Variants in GPHN observed in about 807,000 individuals in gnomAD.
GPHN encodes gephyrin.
A neutral mutation model predicts 95.5 loss-of-function variants in GPHN; 17 were observed. The observed-to-expected ratio is 0.18, with a 90% CI of 0.12 to 0.27. The LOEUF is 0.27. GPHN is among the 10% of genes least tolerant of loss of function. GPHN has a pLI of 1.00. For missense variants in GPHN, 660 were observed against 978.1 expected (o/e 0.67, Z 4.34); for synonymous variants, 320 against 322.5 (o/e 0.99, Z 0.08).
chr14:66,513,208 A>G (rs1342409244), intron 1 of GPHN, among the ~76,000 whole-genome samples: 2 of 151,816 alleles, frequency 1.3e-5, no homozygotes, highest in Non-Finnish European at 3.0e-5. Flanking sequence ...TACAATAAGA[A>G]TTTTAACTAT....
chr14:66,771,787 CATT>C (rs1392914243), intron 2 of GPHN, among the ~76,000 whole-genome samples: 2 of 139,882 alleles, frequency 1.4e-5, no homozygotes, highest in African/African-American at 2.7e-5. Context: ...CATGTGATCT[CATT>C]GTTCAATTCG....
the GPHN span, among the ~76,000 whole-genome samples, chr14:67,656,817 A>G: frequency 6.6e-6 from 1 of 152,118 alleles, no homozygotes; most frequent in Admixed American, 6.6e-5. Context: ...TGCCTTTTAC[A>G]CTTACGCGAG....
chr14:67,207,735 G>A, the GPHN span, among the ~76,000 whole-genome samples: 1 of 152,040 alleles, frequency 6.6e-6, no homozygotes, highest in Non-Finnish European at 1.5e-5. Context: ...AGGAGGGGGG[G>A]ATTTTAGAGT....
the GPHN span, among the ~76,000 whole-genome samples, chr14:67,393,991 A>G: frequency 2.6e-5 from 4 of 152,270 alleles, no homozygotes; most frequent in South Asian, 8.3e-4. Context: ...GTAAGTCCCT[A>G]TTAAATGCCT....
intron 1 of GPHN, among the ~76,000 whole-genome samples, chr14:66,572,687 A>C (rs2060744329): frequency 6.6e-6 from 1 of 152,046 alleles, no homozygotes; most frequent in Non-Finnish European, 1.5e-5. Context: ...TTCTATACAT[A>C]AGATGCTGTC....
chr14:67,547,513 G>A, the GPHN span, among the ~76,000 whole-genome samples: 1 of 152,138 alleles, frequency 6.6e-6, no homozygotes, highest in Non-Finnish European at 1.5e-5. Context: ...TACACGCACT[G>A]GGAGGAGCCA....
chr14:67,459,987 C>T, the GPHN span, among the ~76,000 whole-genome samples: 1 of 152,142 alleles, frequency 6.6e-6, no homozygotes, highest in South Asian at 2.1e-4. Context: ...TATTAAGATT[C>T]TGGAAGACTC....
At chr14:66,618,259 T>G (rs1188737043) in intron 1 of GPHN, among the ~76,000 whole-genome samples, 1 of 152,146 alleles carries the variant, frequency 6.6e-6, no homozygotes, top group African/African-American at 2.4e-5. Flanking sequence ...TTGGCTACTT[T>G]TATTCATAAA....
At chr14:67,490,014 A>G in the GPHN span, among the ~76,000 whole-genome samples, 5 of 151,308 alleles carry the variant, frequency 3.3e-5, no homozygotes, top group East Asian at 9.7e-4. Flanking sequence ...AATTCTGTCT[A>G]TGTGTCTGTT....
the GPHN span, among the ~76,000 whole-genome samples, chr14:67,546,494 G>A: frequency 3.3e-5 from 5 of 152,134 alleles, no homozygotes; most frequent in East Asian, 9.6e-4. Context: ...GGGTTCAAGC[G>A]ATTCTCCTGC....
chr14:67,611,646 T>C, the GPHN span, among the ~76,000 whole-genome samples: 2 of 152,166 alleles, frequency 1.3e-5, no homozygotes, highest in South Asian at 2.1e-4. Flanking sequence ...AAACAACCAA[T>C]TGGAAAAACA....
At chr14:67,679,490 G>A in the GPHN span, among the ~76,000 whole-genome samples, 1 of 148,304 alleles carries the variant, frequency 6.7e-6, no homozygotes, top group Non-Finnish European at 1.5e-5. Context: ...TGCAACCTCC[G>A]CCTCCCAGGT....
chr14:67,559,105 A>G, the GPHN span, among the ~76,000 whole-genome samples: 3 of 152,232 alleles, frequency 2.0e-5, no homozygotes, highest in African/African-American at 7.2e-5. Flanking sequence ...ATGCCCAGCC[A>G]GGCTGCTCCT....
chr14:66,737,875 G>A (rs924749137), intron 2 of GPHN, among the ~76,000 whole-genome samples: 2 of 152,096 alleles, frequency 1.3e-5, no homozygotes, highest in Non-Finnish European at 2.9e-5. Context: ...GTCTGCTATA[G>A]TACAAAAAAA....
chr14:66,911,482 G>A (rs1020089356), intron 5 of GPHN, among the ~76,000 whole-genome samples: 1 of 151,926 alleles, frequency 6.6e-6, no homozygotes, highest in Non-Finnish European at 1.5e-5. Flanking sequence ...TAAAATTCAG[G>A]ATAATAGTTA....
chr14:67,352,258 G>A, the GPHN span, among the ~76,000 whole-genome samples: 24 of 152,002 alleles, frequency 1.6e-4, no homozygotes, highest in African/African-American at 4.3e-4. Flanking sequence ...GTTTGAGCCC[G>A]GGAGTCAAAA....
the GPHN span, among the ~76,000 whole-genome samples, chr14:67,345,152 G>A: frequency 3.3e-5 from 5 of 150,928 alleles, no homozygotes; most frequent in South Asian, 2.1e-4. Context: ...TGAGGTGGGC[G>A]GATCACTTAA....
chr14:66,929,265 GCTGATCTCGAACTC>G (rs1007294762), intron 8 of GPHN, among the ~76,000 whole-genome samples: 13 of 151,906 alleles, frequency 8.6e-5, no homozygotes, highest in Admixed American at 1.3e-4. Flanking sequence ...TGTTGGCCAG[GCTGATCTCGAACTC>G]CTGGACCTCA....
intron 4 of GPHN, among the ~76,000 whole-genome samples, chr14:66,846,031 T>G (rs2062322471): frequency 6.6e-6 from 1 of 152,144 alleles, no homozygotes; most frequent in Admixed American, 6.5e-5. Flanking sequence ...ACTGCAGTAG[T>G]TAAAAAATGA....
Sources: gnomAD v4.1 joint callset for allele counts (sites outside exome capture counted in the v4.1 genomes callset) on GRCh38, gnomAD v4.1.1 for gene constraint, MANE v1.5 for transcripts, NCBI Gene and HGNC (gene_info 2026-07-23, HGNC 2026-07-21) for gene names.